Variants in ADCY8 observed in about 807,000 individuals in gnomAD.
ADCY8 encodes the protein adenylate cyclase type 8.
In ADCY8, 51 loss-of-function variants were observed where a neutral mutation model predicts 119.7. The observed-to-expected ratio is 0.43, with a 90% CI of 0.34 to 0.54. The LOEUF (loss-of-function observed/expected upper bound fraction) is 0.54. ADCY8 is among the 20% of genes least tolerant of loss of function. The pLI, the probability that ADCY8 is intolerant of heterozygous loss-of-function variation, is 0.03. For synonymous variants in ADCY8, 665 were observed against 651.0 expected, an observed-to-expected ratio of 1.02 and a Z score of -0.33; for missense variants, 1,383 against 1,598.8, an observed-to-expected ratio of 0.87 and a Z score of 2.30.
chr8:130,834,112 A>T (rs534523792), intron 12 of ADCY8, among the ~76,000 whole-genome samples: 1 of 152,346 alleles, frequency 6.6e-6, no homozygotes, highest in East Asian at 1.9e-4. Flanking sequence ...TGATGTAGCC[A>T]TTCTACCACA....
intron 14 of ADCY8, among the ~76,000 whole-genome samples, chr8:130,806,180 G>C (rs1312628334): frequency 1.3e-5 from 2 of 152,198 alleles, no homozygotes; most frequent in African/African-American, 4.8e-5. Context: ...AGGTCCCTCA[G>C]CAGTTGATGA....
chr8:130,847,397 C>G (rs755145709), intron 11 of ADCY8, 27 bp downstream of exon 11: 1 of 1,542,986 alleles, frequency 6.5e-7, no homozygotes, highest in South Asian at 1.1e-5. Flanking sequence ...GTCCAACTCT[C>G]ACCAAGGGGA....
chr8:130,891,605 A>G (rs1461296207), intron 7 of ADCY8, among the ~76,000 whole-genome samples: 1 of 152,162 alleles, frequency 6.6e-6, no homozygotes, highest in African/African-American at 2.4e-5. Flanking sequence ...AATGGTTTGC[A>G]TTGAGGACCT....
intron 6 of ADCY8, among the ~76,000 whole-genome samples, chr8:130,909,135 C>T (rs1231244860): frequency 6.6e-6 from 1 of 152,172 alleles, no homozygotes; most frequent in East Asian, 1.9e-4. Context: ...TAGGTCCAAT[C>T]TGTGTAAACA....
At chr8:130,956,838 C>A (rs1821442927) in intron 2 of ADCY8, among the ~76,000 whole-genome samples, 1 of 152,190 alleles carries the variant, frequency 6.6e-6, no homozygotes, top group Admixed American at 6.5e-5. Context: ...TCTTTGCCTG[C>A]TGCCATTCAT....
intron 15 of ADCY8, 104 bp downstream of exon 15, chr8:130,800,322 C>T (rs1383827479): frequency 3.3e-5 from 42 of 1,285,114 alleles, no homozygotes; most frequent in Non-Finnish European, 2.7e-5. Context: ...GCTGGAATTC[C>T]GTTAAGTGCA....
intron 1 of ADCY8, among the ~76,000 whole-genome samples, chr8:130,997,868 G>A (rs575029343): frequency 3.6e-4 from 55 of 152,158 alleles, no homozygotes; most frequent in Non-Finnish European, 5.4e-4. Flanking sequence ...TGGATCCCTC[G>A]GGTCCCATCC....
intron 9 of ADCY8, among the ~76,000 whole-genome samples, chr8:130,856,934 G>A (rs1368901935): frequency 2.6e-5 from 4 of 151,912 alleles, no homozygotes; most frequent in African/African-American, 9.7e-5. Context: ...TTTGGCAAAA[G>A]TCATTAGTAA....
intron 2 of ADCY8, among the ~76,000 whole-genome samples, chr8:130,955,770 A>T (rs1465807189): frequency 6.6e-6 from 1 of 152,226 alleles, no homozygotes; most frequent in East Asian, 1.9e-4. Flanking sequence ...CTTTTCAGAC[A>T]CATGGACTCT....
chr8:131,030,629 C>T (rs1239476614), intron 1 of ADCY8, among the ~76,000 whole-genome samples: 12 of 152,194 alleles, frequency 7.9e-5, no homozygotes, highest in Admixed American at 7.9e-4. Context: ...CTACCCAAAT[C>T]CATCCAAGCA....
intron 8 of ADCY8, among the ~76,000 whole-genome samples, chr8:130,883,465 G>A (rs540319436): frequency 9.9e-5 from 15 of 152,246 alleles, no homozygotes; most frequent in African/African-American, 3.4e-4. Context: ...GTAGGTGAAG[G>A]TATTAATTTT....
chr8:131,025,232 G>T (rs1823786647), intron 1 of ADCY8, among the ~76,000 whole-genome samples: 1 of 152,130 alleles, frequency 6.6e-6, no homozygotes, highest in African/African-American at 2.4e-5. Flanking sequence ...GCTACTATTT[G>T]CAAGGTACAT....
intron 5 of ADCY8, among the ~76,000 whole-genome samples, chr8:130,911,401 G>A (rs1235432160): frequency 1.3e-5 from 2 of 152,094 alleles, no homozygotes; most frequent in Non-Finnish European, 2.9e-5. Flanking sequence ...TTATGAGATT[G>A]GAAAACATTT....
intron 2 of ADCY8, among the ~76,000 whole-genome samples, chr8:130,958,435 T>A (rs1421609255): frequency 3.3e-5 from 5 of 152,198 alleles, no homozygotes; most frequent in Non-Finnish European, 5.9e-5. Context: ...TCTCATTTCA[T>A]GTGCTCTGCA....
At chr8:130,977,430 CTT>C (rs1689063491) in intron 2 of ADCY8, among the ~76,000 whole-genome samples, 1 of 152,106 alleles carries the variant, frequency 6.6e-6, no homozygotes, top group Non-Finnish European at 1.5e-5. Flanking sequence ...CTTTTTTCCT[CTT>C]TTCATACTCC....
intron 14 of ADCY8, among the ~76,000 whole-genome samples, chr8:130,810,956 T>A (rs1163163737): frequency 6.6e-6 from 1 of 152,176 alleles, no homozygotes; most frequent in Admixed American, 6.5e-5. Context: ...AAAGCTGTTT[T>A]TTTTTCTCAT....
intron 2 of ADCY8, among the ~76,000 whole-genome samples, chr8:130,981,873 C>A (rs1024829407): frequency 2.0e-5 from 3 of 152,152 alleles, no homozygotes; most frequent in Non-Finnish European, 4.4e-5. Flanking sequence ...TATTGAGGCC[C>A]CACTATGTCA....
intron 11 of ADCY8, among the ~76,000 whole-genome samples, chr8:130,846,792 CTCCT>C (rs1157690170): frequency 1.7e-5 from 2 of 114,670 alleles, no homozygotes; most frequent in African/African-American, 6.9e-5. Flanking sequence ...TTCCTTCCTT[CTCCT>C]TCCTTCCTTC....
chr8:130,803,382 T>A (rs542078374), intron 14 of ADCY8, among the ~76,000 whole-genome samples: 23 of 152,194 alleles, frequency 1.5e-4, no homozygotes, highest in Non-Finnish European at 3.1e-4. Context: ...TGTCTTAACA[T>A]CCATTTCTTC....
Sources: allele counts gnomAD v4.1 joint callset (sites outside exome capture counted in the v4.1 genomes callset), GRCh38; gene constraint gnomAD v4.1.1; transcripts MANE v1.5; gene names NCBI Gene and HGNC (gene_info 2026-07-23, HGNC 2026-07-21).